The following SIDT1 variants were observed in gnomAD, a reference collection of about 807,000 sequenced individuals.
SIDT1 encodes SID1 transmembrane family, member 1.
SIDT1 carries 101 observed loss-of-function variants against 107.5 expected under a neutral mutation model. The ratio of observed to expected loss-of-function variants is 0.94; its 90% CI spans 0.80 to 1.11. SIDT1 has a LOEUF of 1.11. Ranked by LOEUF, SIDT1 falls within the 50% of genes least tolerant of loss-of-function variation. The pLI is 0.00. For missense variants in SIDT1, 1,076 were observed against 1,058.2 expected (o/e 1.02, Z -0.23); for synonymous variants, 395 against 398.2 (o/e 0.99, Z 0.10).
At chr3:113,615,193 G>T (rs776393510) in intron 19 of SIDT1, 1 of 1,090,538 alleles carries the variant, frequency 9.2e-7, no homozygotes, top group Non-Finnish European at 1.3e-6. Flanking sequence ...GGCAGACTCC[G>T]TGGGAGTGGG....
chr3:113,627,802 C>A lies in SIDT1; in HGVS notation c.*94C>A. ...ACAGCAAAGTAACCACTGCCAGATG[C>A]TCCACTCACCCTCTGTAGAGCCAAC... On this transcript the variant is annotated 3_prime_UTR_variant, in exon 25 of 25. Coordinates refer to ENST00000264852, the MANE Select transcript of SIDT1 (RefSeq NM_017699.3). 8.8e-7 allele frequency: 1 copy of A among 1,141,804 alleles called. No individual in the cohort carries two copies. The highest frequency in any genetic ancestry group is 1.8e-5 in the Admixed American group (1 of 56,116). 70.7% of individuals were successfully genotyped at this position (1,141,804 alleles called of 1,614,324 possible). A position where few individuals can be genotyped will look rare whatever the true frequency, so the allele number is the denominator to read the frequency against.
intron 21 of SIDT1, 177 bp downstream of exon 21, chr3:113,619,903 C>G (rs1419761066): frequency 5.0e-6 from 3 of 599,482 alleles, no homozygotes; most frequent in African/African-American, 1.9e-5. Context: ...ATTGTAGCCT[C>G]TCTTAAAACA....
intron 11 of SIDT1, 64 bp downstream of exon 11, chr3:113,601,723 G>A: frequency 8.6e-7 from 1 of 1,167,862 alleles, no homozygotes; most frequent in Non-Finnish European, 1.2e-6. Flanking sequence ...TGATAGAAAG[G>A]CATTCCAGCC....
At chr3:113,565,159 T>TTTGTTG in intron 1 of SIDT1, among the ~76,000 whole-genome samples, 1 of 152,128 alleles carries the variant, frequency 6.6e-6, no homozygotes, top group East Asian at 1.9e-4. Context: ...AAGATTAAAT[T>TTTGTTG]TTGTTGTTGT....
intron 14 of SIDT1, among the ~76,000 whole-genome samples, chr3:113,605,655 T>C (rs913246795): frequency 5.9e-5 from 9 of 152,196 alleles, no homozygotes; most frequent in Admixed American, 5.9e-4. Flanking sequence ...AGGAACCTGA[T>C]AGCTAATCTA....
At chr3:113,555,411 C>T (rs1940736216) in intron 1 of SIDT1, among the ~76,000 whole-genome samples, 1 of 152,150 alleles carries the variant, frequency 6.6e-6, no homozygotes, top group Admixed American at 6.5e-5. Flanking sequence ...CAGAACAATG[C>T]CTCTTACAGG....
chr3:113,540,485 T>C (rs1334833287), intron 1 of SIDT1, among the ~76,000 whole-genome samples: 1 of 152,224 alleles, frequency 6.6e-6, no homozygotes. Context: ...TACAGTTTGT[T>C]TTCTTAGATT....
chr3:113,535,317 C>T (rs1034984026), intron 1 of SIDT1, among the ~76,000 whole-genome samples: 2 of 151,632 alleles, frequency 1.3e-5, no homozygotes, highest in African/African-American at 4.9e-5. Flanking sequence ...TTATAAAAAA[C>T]ATTTAGTGTT....
chr3:113,597,495 CAAAAAAAA>C (rs60934363), intron 10 of SIDT1, among the ~76,000 whole-genome samples: 12 of 109,532 alleles, frequency 1.1e-4, no homozygotes, highest in African/African-American at 3.7e-4. Flanking sequence ...GACTCCATCT[CAAAAAAAA>C]AAAAAAAAAA....
intron 3 of SIDT1, among the ~76,000 whole-genome samples, chr3:113,572,391 A>G (rs1256060314): frequency 6.6e-6 from 1 of 152,222 alleles, no homozygotes; most frequent in Non-Finnish European, 1.5e-5. Flanking sequence ...AGACAGGGTT[A>G]CAGGAGATAG....
At chr3:113,599,843 T>C (rs752032592) in intron 10 of SIDT1, among the ~76,000 whole-genome samples, 2 of 152,136 alleles carry the variant, frequency 1.3e-5, no homozygotes, top group Non-Finnish European at 2.9e-5. Context: ...TAATATTGCA[T>C]TCTATGTTGA....
intron 24 of SIDT1, among the ~76,000 whole-genome samples, chr3:113,627,164 T>C (rs1384235121): frequency 6.6e-6 from 1 of 152,174 alleles, no homozygotes; most frequent in Admixed American, 6.5e-5. Context: ...AACAGGACTT[T>C]ATTCCTTTGA....
chr3:113,543,426 G>A (rs1480011076), intron 1 of SIDT1, among the ~76,000 whole-genome samples: 1 of 152,108 alleles, frequency 6.6e-6, no homozygotes, highest in African/African-American at 2.4e-5. Context: ...GGGGTTCTCT[G>A]ATCCTCAGAG....
chr3:113,551,473 T>G (rs1209625034), intron 1 of SIDT1, among the ~76,000 whole-genome samples: 1 of 152,202 alleles, frequency 6.6e-6, no homozygotes, highest in Non-Finnish European at 1.5e-5. Flanking sequence ...TTCCTCAAGA[T>G]AGTTGTACTA....
intron 4 of SIDT1, among the ~76,000 whole-genome samples, chr3:113,577,318 G>A (rs1042758389): frequency 2.6e-5 from 4 of 152,204 alleles, no homozygotes; most frequent in Admixed American, 6.5e-5. Context: ...CACAACTTCT[G>A]CCATTATGAA....
chr3:113,604,854 A>G (rs1945207209), intron 13 of SIDT1, 56 bp from the exon 14 acceptor site: 1 of 1,592,562 alleles, frequency 6.3e-7, no homozygotes, highest in Admixed American at 1.7e-5. Flanking sequence ...AATATTAACC[A>G]AAGACTCCAC....
intron 3 of SIDT1, among the ~76,000 whole-genome samples, chr3:113,570,227 A>T (rs772479967): frequency 2.6e-5 from 4 of 152,218 alleles, no homozygotes; most frequent in African/African-American, 7.2e-5. Flanking sequence ...TTAAAAATCT[A>T]CTTGTGATAT....
chr3:113,626,611 T>A (rs571701434), intron 24 of SIDT1, among the ~76,000 whole-genome samples: 5 of 152,156 alleles, frequency 3.3e-5, no homozygotes, highest in African/African-American at 4.8e-5. Context: ...CCAGTCTCCC[T>A]GAATATTTCA....
At chr3:113,539,455 A>G (rs1036529018) in intron 1 of SIDT1, among the ~76,000 whole-genome samples, 6 of 152,156 alleles carry the variant, frequency 3.9e-5, no homozygotes, top group Non-Finnish European at 7.4e-5. Flanking sequence ...TTGGAGCAAT[A>G]GAGTTTTTAG....
Sources: gnomAD v4.1 joint callset for allele counts (sites outside exome capture counted in the v4.1 genomes callset) on GRCh38, gnomAD v4.1.1 for gene constraint, MANE v1.5 for transcripts, NCBI Gene and HGNC (gene_info 2026-07-23, HGNC 2026-07-21) for gene names.